SERPINA12: variants seen among roughly 807,000 people sequenced by gnomAD.
SERPINA12 encodes the protein serpin A12.
A neutral mutation model predicts 25.9 loss-of-function variants in SERPINA12; 21 were observed. The ratio of observed to expected loss-of-function variants is 0.81; its 90% CI spans 0.58 to 1.17. SERPINA12 has a LOEUF of 1.17. Ranked by LOEUF, SERPINA12 falls within the 50% of genes most tolerant of loss-of-function variation. The pLI, the probability that SERPINA12 is intolerant of heterozygous loss-of-function variation, is 0.00. For missense variants in SERPINA12, 562 were observed against 508.3 expected (o/e 1.11, Z -1.02); for synonymous variants, 220 against 196.0 (o/e 1.12, Z -1.02).
At chr14:94,503,852 T>C (rs1302857701) in intron 1 of SERPINA12, among the ~76,000 whole-genome samples, 1 of 152,124 alleles carries the variant, frequency 6.6e-6, no homozygotes, top group Admixed American at 6.5e-5. Flanking sequence ...TGGACCCAAA[T>C]TGGAGGCACC....
upstream of SERPINA12, chr14:94,511,348 A>G (rs1421280689): frequency 7.5e-6 from 7 of 934,592 alleles, no homozygotes; most frequent in East Asian, 1.2e-4. Flanking sequence ...TGGGATAGTG[A>G]GTCATCTGTC....
rs537168791 is a variant in SERPINA12 at position 94,516,393 on chromosome 14, A to T, written c.-352-239T>A. Among the ~76,000 whole-genome samples, 378 of 152,328 alleles carry T rather than the reference A, an allele frequency of 2.5e-3. 2 individuals are homozygous for T. The highest frequency in any genetic ancestry group is 8.5e-3 in the African/African-American group (353 of 41,566). On this transcript the variant is annotated intron_variant, in intron 1 of 5. Coordinates refer to the SERPINA12 transcript ENST00000341228. ...CATCTGTCACTCCAGCCTGGCTGAC[A>T]CAGTGACTCGAGGAAGGGGCCGGTG...
At chr14:94,490,110 G>A (rs1234287342) in intron 3 of SERPINA12, among the ~76,000 whole-genome samples, 2 of 152,070 alleles carry the variant, frequency 1.3e-5, no homozygotes, top group Non-Finnish European at 2.9e-5. Flanking sequence ...AGCCCATCCT[G>A]ACCCCAGAAG....
chr14:94,503,184 T>C (rs748223897), intron 1 of SERPINA12: 7 of 983,534 alleles, frequency 7.1e-6, no homozygotes, highest in Non-Finnish European at 8.5e-6. Flanking sequence ...TAAAAGCACA[T>C]TTAGAACTAA....
chr14:94,503,014 T>A (rs1900793953), intron 1 of SERPINA12, among the ~76,000 whole-genome samples: 1 of 152,196 alleles, frequency 6.6e-6, no homozygotes, highest in South Asian at 2.1e-4. Context: ...GAGGAATCCT[T>A]GCTAAAGGTG....
upstream of SERPINA12, chr14:94,510,004 G>A (rs1901067513): frequency 1.0e-6 from 1 of 985,284 alleles, no homozygotes; most frequent in South Asian, 4.7e-5. Flanking sequence ...GTGCAGCCTG[G>A]GAGCAGGCAG....
chr14:94,501,628 A>G (rs1900725145), intron 1 of SERPINA12, among the ~76,000 whole-genome samples: 1 of 150,770 alleles, frequency 6.6e-6, no homozygotes, highest in South Asian at 2.1e-4. Flanking sequence ...TTCCCCCATG[A>G]GATACTGCTG....
At chr14:94,497,391 C>A (rs7149693) in intron 2 of SERPINA12, among the ~76,000 whole-genome samples, 33,002 of 152,156 alleles carry the variant, frequency 0.22, 4,361 homozygotes, top group African/African-American at 0.38. Flanking sequence ...GTGTTCCAGT[C>A]CTGACTGTCA....
At chr14:94,514,374 G>A (rs552508342), upstream of SERPINA12, among the ~76,000 whole-genome samples, 371 of 152,328 alleles carry the variant, frequency 2.4e-3, 2 homozygotes, top group African/African-American at 8.1e-3. Context: ...GATGGGACTC[G>A]TGTGCTGCAG....
chr14:94,513,291 G>A (rs1186872973), upstream of SERPINA12, among the ~76,000 whole-genome samples: 1 of 152,188 alleles, frequency 6.6e-6, no homozygotes, highest in Non-Finnish European at 1.5e-5. Context: ...AAGACAAAAT[G>A]AAGGACAATT....
At chr14:94,490,993 C>G (rs1258397672) in intron 3 of SERPINA12, among the ~76,000 whole-genome samples, 1 of 152,194 alleles carries the variant, frequency 6.6e-6, no homozygotes, top group African/African-American at 2.4e-5. Context: ...TCACTCCATC[C>G]CCATACATGT....
chr14:94,505,914 G>A (rs561493909), intron 1 of SERPINA12, among the ~76,000 whole-genome samples: 131 of 152,338 alleles, frequency 8.6e-4, no homozygotes, highest in Non-Finnish European at 1.5e-3. Flanking sequence ...ACCTGGGTTG[G>A]GAGTTGCCTG....
Position 94,498,269 on chromosome 14 carries a change from C to A in SERPINA12, c.129G>T (p.Met43Ile), listed in dbSNP as rs1341544298. 3.7e-6 allele frequency: 6 copies of A among 1,614,052 alleles called. No homozygotes were observed. The highest frequency in any genetic ancestry group is 4.5e-5 in the East Asian group (2 of 44,894). Residue 43 changes from methionine (M) to isoleucine (I), a missense_variant, in exon 2 of 5, where the codon ATG (methionine) becomes ATT (isoleucine). Physicochemically the swap from Met to Ile is conservative, Grantham distance 10. Coordinates refer to ENST00000677451, the MANE Select transcript of SERPINA12 (RefSeq NM_001382267.1). ...LSEVQGWKQRMAAKELARQNM... is the reference protein window; with the variant it reads ...LSEVQGWKQRIAAKELARQNM... ...TCTGCCTTGCAAGCTCCTTGGCTGCCATCCTTTGCTTCCATCCTTGGACCT... is the reference window on the plus strand; with the variant it reads ...TCTGCCTTGCAAGCTCCTTGGCTGCAATCCTTTGCTTCCATCCTTGGACCT...
At chr14:94,493,349 C>T (rs942311343) in intron 3 of SERPINA12, among the ~76,000 whole-genome samples, 1 of 152,234 alleles carries the variant, frequency 6.6e-6, no homozygotes, top group African/African-American at 2.4e-5. Flanking sequence ...GGACAATACC[C>T]TGTCTGTCAT....
intron 4 of SERPINA12, among the ~76,000 whole-genome samples, chr14:94,488,868 G>A (rs1213961308): frequency 6.6e-6 from 1 of 152,226 alleles, no homozygotes; most frequent in African/African-American, 2.4e-5. Flanking sequence ...GCCAAGGTGG[G>A]TGGATGACCT....
chr14:94,489,977 A>C (rs911711570), intron 3 of SERPINA12, among the ~76,000 whole-genome samples: 1 of 152,216 alleles, frequency 6.6e-6, no homozygotes. Context: ...GCCTCCCAGC[A>C]CACCTGCCCC....
At chr14:94,514,871 G>A (rs1347444438) in intron 2 of SERPINA12, among the ~76,000 whole-genome samples, 1 of 152,214 alleles carries the variant, frequency 6.6e-6, no homozygotes, top group African/African-American at 2.4e-5. Context: ...GCAAGGATTA[G>A]GCTGGATGTC....
intron 1 of SERPINA12, among the ~76,000 whole-genome samples, chr14:94,499,812 G>A (rs1362295953): frequency 1.3e-5 from 2 of 152,196 alleles, no homozygotes; most frequent in East Asian, 3.8e-4. Flanking sequence ...CACAGTGGGA[G>A]GGCTCTCCAG....
chr14:94,508,701 G>A (rs1372044687), intron 1 of SERPINA12, among the ~76,000 whole-genome samples: 1 of 152,128 alleles, frequency 6.6e-6, no homozygotes, highest in East Asian at 1.9e-4. Context: ...ATCACAAATT[G>A]GAACATGTGT....
Sources: gnomAD v4.1 joint callset for allele counts (sites outside exome capture counted in the v4.1 genomes callset) on GRCh38, gnomAD v4.1.1 for gene constraint, MANE v1.5 for transcripts, NCBI Gene and HGNC (gene_info 2026-07-23, HGNC 2026-07-21) for gene names.